Variants in CCR6 observed in about 807,000 individuals in gnomAD.
The protein encoded by CCR6 is C-C motif chemokine receptor 6.
A neutral mutation model predicts 3.0 loss-of-function variants in CCR6; 2 were observed. The observed-to-expected ratio is 0.66, with a 90% CI of 0.27 to 2.07. The LOEUF is 2.07. CCR6 is among the 30% of genes most tolerant of loss of function. The pLI, the probability that CCR6 is intolerant of heterozygous loss-of-function variation, is 0.14. For missense variants in CCR6, 322 were observed against 462.8 expected (o/e 0.70, Z 2.79); for synonymous variants, 193 against 184.3 (o/e 1.05, Z -0.38).
rs914142078 is a variant in CCR6 at position 167,133,945 on chromosome 6, T to C, written c.-97-2093T>C. 3.3e-3 allele frequency among the ~76,000 whole-genome samples: 145 copies of C among 43,380 alleles called. 5 individuals carry two copies. Among genetic ancestry groups the C allele is most frequent in the African/African-American group, 6.3e-3 (140 of 22,126 alleles). The allele number at this position is 43,380 out of a possible 152,430, so 28.5% of individuals were successfully genotyped here. A position where few individuals can be genotyped will look rare whatever the true frequency, so the allele number is the denominator to read the frequency against. ...TGATATATGTGTGTATATATATATA[T>C]ATATATATATATATATATATATATA... On this transcript the variant is annotated intron_variant, in intron 1 of 2. Transcript: ENST00000341935.
At position 167,136,088 on chromosome 6, in the gene CCR6, C is replaced by G. The variant is rs1321596688; in HGVS notation, c.-47C>G. The stretch of plus-strand genomic sequence containing the variant: ...CTGCCTGTGAGCTGAAGGGGCTGAA[C>G]CATACACTCCTTTTTCTACAACCAG... On this transcript the variant is annotated 5_prime_UTR_variant, in exon 2 of 3. Coordinates refer to ENST00000341935, the MANE Select transcript of CCR6 (RefSeq NM_031409.4). The surrounding 1 kb of genome is among the most constrained non-coding windows in gnomAD (Gnocchi z 4.6). 6 of 1,609,578 alleles carry G rather than the reference C, an allele frequency of 3.7e-6. No individual in the cohort carries two copies. The African/African-American group carries it at 5.4e-5, about 14-fold the overall frequency.
At chr6:167,114,483 A>T (rs1016393258) in intron 1 of CCR6, among the ~76,000 whole-genome samples, 3 of 152,144 alleles carry the variant, frequency 2.0e-5, no homozygotes, top group Admixed American at 2.0e-4. Context: ...ATCACAGTGC[A>T]CTTGGAAACC....
At chr6:167,121,659 T>A (rs1781589163), upstream of CCR6, 1 of 152,504 alleles carries the variant, frequency 6.6e-6, no homozygotes, top group Admixed American at 6.5e-5. Flanking sequence ...AGGTTTCGGG[T>A]TGGGGTGAAC....
chr6:167,126,087 G>A (rs1206094264), intron 1 of CCR6: 1 of 152,178 alleles, frequency 6.6e-6, no homozygotes, highest in South Asian at 2.1e-4. Context: ...CTACTCTAGA[G>A]GCTGAGATGG....
rs147577660 is a variant in CCR6, at chr6:167,130,586, G to T, written c.-97-5452G>T. Among the ~76,000 whole-genome samples the T allele has an allele frequency of 2.2e-3, 341 of 151,854 alleles. 15 individuals carry two copies. Among genetic ancestry groups the T allele is most frequent in the African/African-American group, 8.1e-3 (333 of 41,136 alleles). ...TTTCCTGTGAAAACAGTGGCTTGGGGAAGGCCGAATCATTTTCAATGACTG... is the reference window on the plus strand; with the variant it reads ...TTTCCTGTGAAAACAGTGGCTTGGGTAAGGCCGAATCATTTTCAATGACTG... On this transcript the variant is annotated intron_variant, in intron 1 of 2. Transcript: ENST00000341935.
chr6:167,137,117 A>G lies in CCR6; in HGVS notation c.887A>G (p.Tyr296Cys), dbSNP rs1226290290. 3 of 1,614,072 alleles carry G rather than the reference A, an allele frequency of 1.9e-6. No individual in the cohort carries two copies. ...TGCCAGAGCGAAAAGCTAATTGGCT[A>G]TACGAAAACTGTCACAGAAGTCCTG... ...RSCQSEKLIG[Y>C]TKTVTEVLAF... The change falls in exon 3 of 3, where the codon TAT (tyrosine) becomes TGT (cysteine). Residue 296 changes from tyrosine to cysteine, a missense_variant. Physicochemically the swap from Tyr to Cys is radical, Grantham distance 194 (BLOSUM62 -2). Transcript: ENST00000341935. This position sits in a 1 kb window ranked among gnomAD's most constrained non-coding sequence, Gnocchi z 4.6.
At position 167,136,072 on chromosome 6, in the gene CCR6, A is replaced by C; in HGVS notation, c.-63A>C. The C allele has an allele frequency of 6.3e-7, 1 of 1,581,638 alleles. No homozygotes were observed. The highest frequency in any genetic ancestry group is 8.6e-7 in the Non-Finnish European group (1 of 1,164,384). On this transcript the variant is annotated 5_prime_UTR_variant, in exon 2 of 3. Coordinates refer to ENST00000341935, the MANE Select transcript of CCR6 (RefSeq NM_031409.4). The surrounding 1 kb of genome is among the most constrained non-coding windows in gnomAD (Gnocchi z 4.6). ...TACTTTCCTGCTACCGCTGCCTGTG[A>C]GCTGAAGGGGCTGAACCATACACTC...
At chr6:167,117,407 T>TC (rs1257024378) in intron 1 of CCR6, among the ~76,000 whole-genome samples, 10 of 132,040 alleles carry the variant, frequency 7.6e-5, no homozygotes, top group Admixed American at 2.6e-4. Flanking sequence ...TATTTTCTTT[T>TC]TTTTTTTCTT....
At chr6:167,130,390 A>G (rs1562559333) in intron 1 of CCR6, among the ~76,000 whole-genome samples, 2 of 151,916 alleles carry the variant, frequency 1.3e-5, no homozygotes, top group African/African-American at 4.9e-5. Flanking sequence ...GTGTCTTCAC[A>G]TCAACATTTT....
At chr6:167,114,131 A>G (rs1311393389) in intron 1 of CCR6, among the ~76,000 whole-genome samples, 2 of 152,202 alleles carry the variant, frequency 1.3e-5, no homozygotes, top group Non-Finnish European at 1.5e-5. Context: ...CAGCCGGCGC[A>G]TGACCTAGAG....
intron 1 of CCR6, among the ~76,000 whole-genome samples, chr6:167,128,817 G>A (rs1196424930): frequency 3.3e-5 from 5 of 152,070 alleles, no homozygotes; most frequent in Non-Finnish European, 5.9e-5. Context: ...CAAGTGATCC[G>A]CCTGCCTTGG....
Position 167,137,098 on chromosome 6 carries a change from A to T in CCR6, c.868A>T (p.Ser290Cys). 6.2e-7 allele frequency: 1 copy of T among 1,614,168 alleles called. No homozygotes were observed. The highest frequency in any genetic ancestry group is 2.2e-5 in the East Asian group (1 of 44,880). ...NLGKMNRSCQ[S>C]EKLIGYTKTV... ...GGGTAAAATGAACCGATCCTGCCAG[A>T]GCGAAAAGCTAATTGGCTATACGAA... The change falls in exon 3 of 3, where the codon AGC (serine) becomes TGC (cysteine). Residue 290 changes from serine to cysteine, a missense_variant. Coordinates refer to ENST00000341935, the MANE Select transcript of CCR6 (RefSeq NM_031409.4). The surrounding 1 kb of genome is among the most constrained non-coding windows in gnomAD (Gnocchi z 4.6).
intron 1 of CCR6, among the ~76,000 whole-genome samples, chr6:167,128,248 CTG>C (rs1781700851): frequency 6.6e-6 from 1 of 152,262 alleles, no homozygotes; most frequent in Non-Finnish European, 1.5e-5. Context: ...GTTCTGGTGC[CTG>C]TGTCAGGGCC....
rs1781844755 is a variant in CCR6, at chr6:167,136,050, T to G, written c.-85T>G. On this transcript the variant is annotated 5_prime_UTR_variant, in exon 2 of 3. Transcript: ENST00000341935. The surrounding 1 kb of genome is among the most constrained non-coding windows in gnomAD (Gnocchi z 4.6). ...CTTTCCTTCTTAGAGTCACCTCTAC[T>G]TTCCTGCTACCGCTGCCTGTGAGCT... is the stretch of plus-strand genomic sequence containing the variant. 1.3e-6 allele frequency: 2 copies of G among 1,501,506 alleles called. No homozygotes were observed. The highest frequency in any genetic ancestry group is 9.1e-7 in the Non-Finnish European group (1 of 1,100,860). The allele number at this position is 1,501,506 out of a possible 1,614,324, so 93.0% of individuals were successfully genotyped here.
intron 1 of CCR6, among the ~76,000 whole-genome samples, chr6:167,133,734 A>T (rs1254922081): frequency 2.0e-5 from 3 of 151,708 alleles, no homozygotes; most frequent in Non-Finnish European, 4.4e-5. Flanking sequence ...ATAAATTTGA[A>T]CATGAAATGT....
intron 1 of CCR6, chr6:167,115,736 C>G (rs530866955): frequency 1.3e-5 from 2 of 152,304 alleles, no homozygotes; most frequent in African/African-American, 4.8e-5. Context: ...AATTCTGTTT[C>G]ATTATGCAAC....
rs771369954 is a variant in CCR6, at chr6:167,136,106, A to G, written c.-29A>G. 4.3e-6 allele frequency: 7 copies of G among 1,612,450 alleles called. No individual in the cohort carries two copies. The Admixed American group carries it at 1.0e-4, about 23-fold the overall frequency. ...GGCTGAACCATACACTCCTTTTTCT[A>G]CAACCAGCTTGCATTTTTTCTGCCC... On this transcript the variant is annotated 5_prime_UTR_variant, in exon 2 of 3. Coordinates refer to ENST00000341935, the MANE Select transcript of CCR6 (RefSeq NM_031409.4). This position sits in a 1 kb window ranked among gnomAD's most constrained non-coding sequence, Gnocchi z 4.6.
chr6:167,115,608 A>G (rs1781480840), intron 1 of CCR6: 1 of 152,218 alleles, frequency 6.6e-6, no homozygotes, highest in Non-Finnish European at 1.5e-5. Context: ...AATTGTGACT[A>G]TGGCAGCACT....
chr6:167,116,106 AGGCGTGGATG>A (rs948651190), intron 1 of CCR6: 1 of 152,304 alleles, frequency 6.6e-6, no homozygotes, highest in African/African-American at 2.4e-5. Context: ...GCACACCAGC[AGGCGTGGATG>A]GGCGTTATTG....
Sources: gnomAD v4.1 joint callset for allele counts (sites outside exome capture counted in the v4.1 genomes callset) on GRCh38, gnomAD v4.1.1 for gene constraint, Gnocchi (gnomAD v3.1) non-coding constraint, MANE v1.5 for transcripts, NCBI Gene and HGNC (gene_info 2026-07-23, HGNC 2026-07-21) for gene names.